ARID2: variants seen among roughly 807,000 people sequenced by gnomAD.
ARID2 encodes the protein AT-rich interactive domain-containing protein 2.
ARID2 carries 32 observed loss-of-function variants against 184.6 expected under a neutral mutation model. The observed-to-expected ratio is 0.17, with a 90% CI of 0.13 to 0.23. ARID2 has a LOEUF of 0.23. Ranked by LOEUF, ARID2 falls within the 10% of genes least tolerant of loss-of-function variation. The pLI is 1.00. For missense variants in ARID2, 1,696 were observed against 2,197.6 expected (o/e 0.77, Z 4.56); for synonymous variants, 836 against 772.6 (o/e 1.08, Z -1.36).
intron 18 of ARID2, 45 bp from the exon 19 acceptor site, chr12:45,893,375 G>A (rs193117732): frequency 9.4e-5 from 148 of 1,567,616 alleles, no homozygotes; most frequent in Non-Finnish European, 7.9e-5. Flanking sequence ...TCTGTCTGCA[G>A]TATCACGTTA....
At chr12:45,857,018 A>G (rs188578455) in intron 15 of ARID2, among the ~76,000 whole-genome samples, 2 of 152,338 alleles carry the variant, frequency 1.3e-5, no homozygotes, top group East Asian at 3.9e-4. Flanking sequence ...AAAAGAATTT[A>G]TAAAATGAAA....
intron 13 of ARID2, among the ~76,000 whole-genome samples, chr12:45,849,271 ATAT>A (rs1190665119): frequency 2.0e-5 from 3 of 152,140 alleles, no homozygotes; most frequent in Non-Finnish European, 4.4e-5. Context: ...ATAGAATATA[ATAT>A]TATTATCTTC....
chr12:45,807,707 A>T (rs187381573), intron 3 of ARID2, among the ~76,000 whole-genome samples: 33 of 152,242 alleles, frequency 2.2e-4, no homozygotes, highest in African/African-American at 7.9e-4. Context: ...TATAATCTTA[A>T]ATTTATTGTA....
Position 45,860,909 on chromosome 12 carries a change from C to T in ARID2, c.4882C>T (p.Pro1628Ser). 1 of 1,600,594 alleles carries T rather than the reference C, an allele frequency of 6.2e-7. No homozygotes were observed. Among genetic ancestry groups the T allele is most frequent in the Non-Finnish European group, 8.5e-7 (1 of 1,173,336 alleles). The change falls in exon 16 of 21, where the codon CCT becomes TCT. Residue 1628 changes from proline to serine, a missense_variant. Physicochemically the swap from Pro to Ser is moderately conservative, Grantham distance 74 (BLOSUM62 -1). This residue lies in a region of ARID2 where 111 missense variants were observed against 154.0 expected (regional missense o/e 0.72). Transcript: ENST00000334344. ...TCAGCCTGGAGATCCAATGAGAAAA[C>T]CTGGACAGAACTTCATGTGTCTGTG... ...SSQPGDPMRKPGQNFMCLWQS... is the reference protein window; with the variant it reads ...SSQPGDPMRKSGQNFMCLWQS...
intron 3 of ARID2, among the ~76,000 whole-genome samples, chr12:45,780,253 T>C (rs1176206850): frequency 6.6e-6 from 1 of 152,174 alleles, no homozygotes; most frequent in East Asian, 1.9e-4. Flanking sequence ...GGGGGTAGAA[T>C]TTATCTTGAA....
intron 4 of ARID2, among the ~76,000 whole-genome samples, chr12:45,816,895 A>T (rs1942813421): frequency 6.6e-6 from 1 of 152,246 alleles, no homozygotes; most frequent in African/African-American, 2.4e-5. Context: ...GATGGAATTG[A>T]GCATGAGAAA....
chr12:45,899,784 CCCT>C (rs1446284213), intron 20 of ARID2, among the ~76,000 whole-genome samples: 2 of 130,688 alleles, frequency 1.5e-5, no homozygotes, highest in Non-Finnish European at 3.5e-5. Flanking sequence ...CTTTACCCCC[CCCT>C]CCCACCTCCA....
intron 20 of ARID2, among the ~76,000 whole-genome samples, chr12:45,902,587 A>G (rs1944473630): frequency 6.7e-6 from 1 of 148,620 alleles, no homozygotes; most frequent in Non-Finnish European, 1.5e-5. Context: ...GCTGGAGTGT[A>G]GTGGTGCAGT....
chr12:45,873,214 G>T (rs1434031513), intron 16 of ARID2, among the ~76,000 whole-genome samples: 3 of 152,070 alleles, frequency 2.0e-5, no homozygotes, highest in African/African-American at 7.2e-5. Flanking sequence ...CTTTTAATTA[G>T]TGTTAATATA....
At chr12:45,880,164 T>C (rs1181017139) in intron 16 of ARID2, among the ~76,000 whole-genome samples, 1 of 152,244 alleles carries the variant, frequency 6.6e-6, no homozygotes, top group Non-Finnish European at 1.5e-5. Context: ...GCTCCTCATA[T>C]ATTTCTCGTT....
chr12:45,738,433 G>A (rs1338905138), intron 3 of ARID2, among the ~76,000 whole-genome samples: 1 of 152,098 alleles, frequency 6.6e-6, no homozygotes, highest in Non-Finnish European at 1.5e-5. Context: ...TCCTGCCTCA[G>A]TCTCCCAGGT....
intron 3 of ARID2, among the ~76,000 whole-genome samples, chr12:45,764,111 G>A (rs998694517): frequency 1.3e-5 from 2 of 151,784 alleles, no homozygotes; most frequent in African/African-American, 4.8e-5. Context: ...ATCTATGGAC[G>A]TAACTACTTT....
intron 3 of ARID2, among the ~76,000 whole-genome samples, chr12:45,748,608 G>A (rs571211247): frequency 1.3e-5 from 2 of 152,062 alleles, no homozygotes; most frequent in Non-Finnish European, 2.9e-5. Context: ...TTTCTTTCAC[G>A]AGAGGTTTCT....
intron 3 of ARID2, among the ~76,000 whole-genome samples, chr12:45,731,750 A>G (rs1941006760): frequency 6.6e-6 from 1 of 151,730 alleles, no homozygotes; most frequent in Admixed American, 6.6e-5. Flanking sequence ...TTTTAATGAA[A>G]CTTCTTGTTT....
intron 6 of ARID2, among the ~76,000 whole-genome samples, 184 bp from the exon 7 acceptor site, chr12:45,836,405 G>T (rs1001864915): frequency 2.0e-5 from 3 of 152,068 alleles, no homozygotes; most frequent in Admixed American, 2.0e-4. Flanking sequence ...TTGTAGAGAT[G>T]GGGTGTCTCT....
chr12:45,877,668 C>A (rs545505388), intron 16 of ARID2, among the ~76,000 whole-genome samples: 1 of 152,012 alleles, frequency 6.6e-6, no homozygotes, highest in African/African-American at 2.4e-5. Flanking sequence ...GGTTGGTGAC[C>A]GTTGCCTTAT....
intron 3 of ARID2, among the ~76,000 whole-genome samples, chr12:45,805,959 T>C (rs1173708207): frequency 6.6e-6 from 1 of 152,204 alleles, no homozygotes; most frequent in African/African-American, 2.4e-5. Flanking sequence ...TCTGTGTTTC[T>C]AACCATTTCT....
At chr12:45,740,922 T>G (rs1941241549) in intron 3 of ARID2, among the ~76,000 whole-genome samples, 1 of 152,220 alleles carries the variant, frequency 6.6e-6, no homozygotes, top group South Asian at 2.1e-4. Flanking sequence ...TCATTATTGC[T>G]GAGATTAAGG....
intron 4 of ARID2, among the ~76,000 whole-genome samples, chr12:45,812,281 CATT>C (rs1428675345): frequency 6.6e-6 from 1 of 150,758 alleles, no homozygotes; most frequent in South Asian, 2.1e-4. Flanking sequence ...TATTTATTAT[CATT>C]ATTATTATTT....
Sources: gnomAD v4.1 joint callset for allele counts (sites outside exome capture counted in the v4.1 genomes callset) on GRCh38, gnomAD v4.1.1 for gene constraint, gnomAD v4.1.1 regional missense constraint, MANE v1.5 for transcripts, NCBI Gene and HGNC (gene_info 2026-07-23, HGNC 2026-07-21) for gene names.